CCDC198: variants seen among roughly 807,000 people sequenced by gnomAD.
CCDC198 encodes factor associated with metabolism and energy.
CCDC198 carries 18 observed loss-of-function variants against 35.6 expected under a neutral mutation model. That is an observed-to-expected ratio of 0.51 (90% CI 0.35 to 0.75). The LOEUF is 0.75. Ranked by LOEUF, CCDC198 falls within the 30% of genes least tolerant of loss-of-function variation. CCDC198 has a pLI of 0.01. For missense variants in CCDC198, 365 were observed against 343.7 expected (o/e 1.06, Z -0.49); for synonymous variants, 119 against 113.4 (o/e 1.05, Z -0.31).
chr14:57,476,330 T>C (rs1182042490), intron 5 of CCDC198, among the ~76,000 whole-genome samples: 1 of 152,194 alleles, frequency 6.6e-6, no homozygotes, highest in Non-Finnish European at 1.5e-5. Context: ...TCAGGTACTA[T>C]TCTAGGGACA....
At chr14:57,478,428 C>T in intron 5 of CCDC198, 1 of 980,552 alleles carries the variant, frequency 1.0e-6, no homozygotes, top group Non-Finnish European at 1.2e-6. Flanking sequence ...AAAGGCAAAC[C>T]ACAGTACCTG....
At chr14:57,478,202 T>G (rs1302323718) in intron 5 of CCDC198, among the ~76,000 whole-genome samples, 1 of 152,162 alleles carries the variant, frequency 6.6e-6, no homozygotes, top group Non-Finnish European at 1.5e-5. Flanking sequence ...GAGTGCAGCC[T>G]TCTTTGTAAA....
chr14:57,474,315 G>A (rs937286373), intron 5 of CCDC198, among the ~76,000 whole-genome samples: 2 of 152,204 alleles, frequency 1.3e-5, no homozygotes, highest in African/African-American at 2.4e-5. Flanking sequence ...TTGGGGCTCA[G>A]GAATGCCAAT....
chr14:57,482,040 C>A (rs540201669), intron 3 of CCDC198, among the ~76,000 whole-genome samples: 2 of 152,216 alleles, frequency 1.3e-5, no homozygotes, highest in South Asian at 4.2e-4. Context: ...CCTCTTTTAC[C>A]ATTGAGTAAT....
intron 5 of CCDC198, among the ~76,000 whole-genome samples, chr14:57,479,268 A>T (rs1057397590): frequency 6.6e-6 from 1 of 152,084 alleles, no homozygotes; most frequent in African/African-American, 2.4e-5. Flanking sequence ...ATTTTATTTT[A>T]TTGAGACAGA....
At chr14:57,480,872 T>C in intron 4 of CCDC198, 118 bp from the exon 5 acceptor site, 1 of 950,786 alleles carries the variant, frequency 1.1e-6, no homozygotes, top group Non-Finnish European at 1.6e-6. Context: ...TGCAGTCCTC[T>C]AACCAGAACA....
In CCDC198 at chr14:57,471,357, A is replaced by C; in HGVS notation, c.889T>G (p.Ter297GluextTer7). The change falls in exon 6 of 6, where the codon TAA (stop) becomes GAA (glutamate). Residue 297 changes from the stop codon to glutamate (E), a stop_lost. Transcript: ENST00000216445. ...TTCTAGGTTAATGAATAGTATTCTT[A>C]TTCTTGATCAAAAAACTCATCGAAA... ...PLFDEFFDQE[*>E] The C allele has an allele frequency of 6.2e-7, 1 of 1,609,216 alleles. No individual in the cohort carries two copies. The highest frequency in any genetic ancestry group is 8.5e-7 in the Non-Finnish European group (1 of 1,176,368).
chr14:57,480,268 T>C (rs2067137952), intron 5 of CCDC198: 1 of 985,330 alleles, frequency 1.0e-6, no homozygotes, highest in South Asian at 4.7e-5. Context: ...TATATCTTCA[T>C]ATGCTTCATT....
intron 5 of CCDC198, among the ~76,000 whole-genome samples, chr14:57,475,909 C>T (rs1363544367): frequency 7.2e-6 from 1 of 138,764 alleles, no homozygotes; most frequent in Non-Finnish European, 1.5e-5. Context: ...TCAAGTAATT[C>T]TCGTGCCTCA....
At chr14:57,483,433 G>T in intron 2 of CCDC198, 2 of 345,522 alleles carry the variant, frequency 5.8e-6, no homozygotes, top group Non-Finnish European at 1.1e-5. Context: ...CTGCATTAAG[G>T]GACCATGTCC....
intron 2 of CCDC198, among the ~76,000 whole-genome samples, chr14:57,486,428 A>G (rs952261701): frequency 6.6e-6 from 1 of 152,092 alleles, no homozygotes; most frequent in Non-Finnish European, 1.5e-5. Context: ...TCTTTTCTGC[A>G]CTATATGTTA....
chr14:57,481,376 C>A (rs1040825956), intron 4 of CCDC198, among the ~76,000 whole-genome samples, 183 bp downstream of exon 4: 4 of 152,160 alleles, frequency 2.6e-5, no homozygotes, highest in African/African-American at 7.2e-5. Flanking sequence ...AAAGACTCAA[C>A]AAGGTTATCA....
chr14:57,474,966 T>G (rs995384825), intron 5 of CCDC198, among the ~76,000 whole-genome samples: 2 of 152,076 alleles, frequency 1.3e-5, no homozygotes, highest in Non-Finnish European at 2.9e-5. Flanking sequence ...AGAGCTATAT[T>G]AAAAAATAAA....
chr14:57,471,315 C>T lies in CCDC198; in HGVS notation c.*40G>A. The T allele has an allele frequency of 2.0e-6, 3 of 1,473,224 alleles. No homozygotes were observed. The African/African-American group carries it at 4.2e-5, about 20-fold the overall frequency. 91.3% of individuals were successfully genotyped at this position (1,473,224 alleles called of 1,614,324 possible). A position where few individuals can be genotyped will look rare whatever the true frequency, so the allele number is the denominator to read the frequency against. On this transcript the variant is annotated 3_prime_UTR_variant, in exon 6 of 6. Coordinates refer to ENST00000216445, the MANE Select transcript of CCDC198 (RefSeq NM_018168.4). ...TGGAAGATTTTGAGAGTAAAACAAG[C>T]TTTCAAAGCACTCAGTTTCTAGGTT...
intron 2 of CCDC198, among the ~76,000 whole-genome samples, chr14:57,488,603 G>A (rs1452119754): frequency 6.6e-6 from 1 of 152,076 alleles, no homozygotes; most frequent in East Asian, 1.9e-4. Flanking sequence ...TACAGAATGG[G>A]AGAAAATTTT....
chr14:57,486,376 C>G (rs75838514), intron 2 of CCDC198, among the ~76,000 whole-genome samples: 1 of 152,070 alleles, frequency 6.6e-6, no homozygotes, highest in Non-Finnish European at 1.5e-5. Flanking sequence ...AGTGGCATCT[C>G]CAGGATTTAA....
chr14:57,490,891 G>C, intron 2 of CCDC198, 98 bp downstream of exon 2: 3 of 1,130,162 alleles, frequency 2.7e-6, no homozygotes, highest in Non-Finnish European at 3.9e-6. Context: ...TAATAGCTTG[G>C]TCCTTATCAA....
At chr14:57,478,331 A>C (rs1279359948) in intron 5 of CCDC198, 2 of 360,382 alleles carry the variant, frequency 5.5e-6, no homozygotes, top group East Asian at 3.3e-4. Context: ...AGAAGACCTG[A>C]CCTTGAATTC....
At chr14:57,475,123 T>A (rs1616660) in intron 5 of CCDC198, among the ~76,000 whole-genome samples, 1 of 151,216 alleles carries the variant, frequency 6.6e-6, no homozygotes, top group Non-Finnish European at 1.5e-5. Context: ...TAGCCGGGCA[T>A]GGTGGCGGGC....
Sources: gnomAD v4.1 joint callset for allele counts (sites outside exome capture counted in the v4.1 genomes callset) on GRCh38, gnomAD v4.1.1 for gene constraint, MANE v1.5 for transcripts, NCBI Gene and HGNC (gene_info 2026-07-23, HGNC 2026-07-21) for gene names.